Variants in MYOF observed in about 807,000 individuals in gnomAD.
The protein encoded by MYOF is fer-1-like 3, myoferlin.
In MYOF, 244 loss-of-function variants were observed where a neutral mutation model predicts 284.2. The ratio of observed to expected loss-of-function variants is 0.86; its 90% CI spans 0.77 to 0.95. The LOEUF is 0.95. MYOF is among the 40% of genes least tolerant of loss of function. The probability of loss-of-function intolerance (pLI) is 0.00; values close to 1 mark genes in which losing one functional copy is unlikely to be tolerated. For missense variants in MYOF, 2,496 were observed against 2,560.6 expected (o/e 0.97, Z 0.54); for synonymous variants, 904 against 919.7 (o/e 0.98, Z 0.31).
chr10:93,400,600 T>C (rs374473494), intron 12 of MYOF, among the ~76,000 whole-genome samples: 1 of 151,366 alleles, frequency 6.6e-6, no homozygotes, highest in African/African-American at 2.4e-5. Flanking sequence ...ATGGCCTGTA[T>C]AGTGAGTGCA....
chr10:93,476,947 T>C (rs1041087440), intron 1 of MYOF, among the ~76,000 whole-genome samples: 13 of 152,136 alleles, frequency 8.5e-5, no homozygotes, highest in African/African-American at 2.9e-4. Flanking sequence ...GGAGAGAAAA[T>C]TCTGGCTGAT....
rs116723049 is a variant in MYOF at position 93,424,876 on chromosome 10, G to T, written c.433+1195C>A. 7.8e-3 allele frequency among the ~76,000 whole-genome samples: 1,177 copies of T among 150,882 alleles called. 10 individuals carry two copies. The highest frequency in any genetic ancestry group is 0.027 in the African/African-American group (1,101 of 41,094). On this transcript the variant is annotated intron_variant, in intron 5 of 53. Transcript: ENST00000359263. ...GAGAAGCAAGAAGAAGATGAGCCCC[G>T]AGGAGCCACCTCAGCAACAAGTGCA...
In MYOF at chr10:93,382,572, A is replaced by G. The variant is rs570269793; in HGVS notation, c.1699-1176T>C. ...TGAAGATAGGGTCAACGATAACCAC[A>G]TTGAGTGCCTATCAGCCTACCAGAA... On this transcript the variant is annotated intron_variant, in intron 19 of 53. Transcript: ENST00000359263. Among the ~76,000 whole-genome samples, 8 of 152,324 alleles carry G rather than the reference A, an allele frequency of 5.3e-5. No individual in the cohort carries two copies. In the South Asian group the frequency reaches 1.2e-3, roughly 24 times the overall value.
chr10:93,331,699 G>C (rs956677025), intron 43 of MYOF, among the ~76,000 whole-genome samples: 1 of 147,796 alleles, frequency 6.8e-6, no homozygotes, highest in African/African-American at 2.4e-5. Context: ...CAGCATGCGG[G>C]GGGCGTAGGG....
intron 37 of MYOF, among the ~76,000 whole-genome samples, chr10:93,344,564 AGAGAAAAAT>A (rs1315771949): frequency 6.6e-6 from 1 of 152,072 alleles, no homozygotes; most frequent in Non-Finnish European, 1.5e-5. Context: ...AAAATAAAGA[AGAGAAAAAT>A]AAGAAAAAGA....
At chr10:93,452,319 G>A (rs1283205550) in intron 2 of MYOF, among the ~76,000 whole-genome samples, 178 bp from the exon 3 acceptor site, 1 of 152,084 alleles carries the variant, frequency 6.6e-6, no homozygotes, top group African/African-American at 2.4e-5. Context: ...GGGCAGGAAA[G>A]CAAACCAGAT....
chr10:93,454,179 T>A (rs925828373), intron 2 of MYOF, among the ~76,000 whole-genome samples: 1 of 152,080 alleles, frequency 6.6e-6, no homozygotes, highest in Admixed American at 6.5e-5. Flanking sequence ...CAAAACTCCA[T>A]CTTAAAAGAA....
intron 1 of MYOF, among the ~76,000 whole-genome samples, chr10:93,466,927 G>A (rs527543720): frequency 1.4e-4 from 21 of 152,132 alleles, no homozygotes; most frequent in Non-Finnish European, 1.9e-4. Context: ...GCAGTGGGCC[G>A]TGATCAGGCC....
chr10:93,386,368 A>T lies in MYOF; in HGVS notation c.1698+1429T>A, dbSNP rs564854360. Among the ~76,000 whole-genome samples the T allele has an allele frequency of 1.6e-4, 25 of 152,344 alleles. 1 individual carries two copies. In the South Asian group the frequency reaches 3.5e-3, roughly 21 times the overall value. ...GTGGGTAATGTTGTGGAATAGAAAG[A>T]CTATGACCAGGACCTTATTGACTTT... On this transcript the variant is annotated intron_variant, in intron 19 of 53. Transcript: ENST00000359263.
Position 93,482,299 on chromosome 10 carries a change from G to A in MYOF, c.-105C>T, listed in dbSNP as rs2057398306. On this transcript the variant is annotated 5_prime_UTR_variant, in exon 1 of 54. Coordinates refer to ENST00000359263, the MANE Select transcript of MYOF (RefSeq NM_013451.4). ...GGAGAGAAGTTCTCTCCCAGTGAAG[G>A]GAGGATTTCTCCCAGGGCAAGGAAG... is the stretch of plus-strand genomic sequence containing the variant. 8 of 997,324 alleles carry A rather than the reference G, an allele frequency of 8.0e-6. No homozygotes were observed. The East Asian group carries it at 1.9e-4, about 24-fold the overall frequency. The allele number at this position is 997,324 out of a possible 1,614,324, so 61.8% of individuals were successfully genotyped here.
intron 19 of MYOF, among the ~76,000 whole-genome samples, chr10:93,384,723 C>A (rs1846283618): frequency 6.6e-6 from 1 of 151,686 alleles, no homozygotes; most frequent in Non-Finnish European, 1.5e-5. Flanking sequence ...GGCTCTCTTT[C>A]TGATCATCAG....
At chr10:93,346,661 G>A (rs777382760) in intron 37 of MYOF, among the ~76,000 whole-genome samples, 19 of 152,212 alleles carry the variant, frequency 1.2e-4, no homozygotes, top group Non-Finnish European at 2.2e-4. Flanking sequence ...AGGCCAACAG[G>A]TGGAAAGCAA....
chr10:93,419,445 G>A (rs1180124240), intron 5 of MYOF, among the ~76,000 whole-genome samples: 1 of 151,410 alleles, frequency 6.6e-6, no homozygotes, highest in African/African-American at 2.4e-5. Flanking sequence ...TTACAGGCAT[G>A]AGCCACCGTG....
At chr10:93,370,715 T>C (rs1845548126) in intron 24 of MYOF, among the ~76,000 whole-genome samples, 1 of 152,206 alleles carries the variant, frequency 6.6e-6, no homozygotes, top group African/African-American at 2.4e-5. Flanking sequence ...CTGCTGCATA[T>C]TGGCATATGA....
chr10:93,443,767 G>A (rs2056347675), intron 3 of MYOF, among the ~76,000 whole-genome samples: 2 of 152,186 alleles, frequency 1.3e-5, no homozygotes, highest in Admixed American at 1.3e-4. Context: ...TTTTGTTTTA[G>A]TTGTGTCAGG....
At chr10:93,436,242 T>C (rs1354069414) in intron 3 of MYOF, among the ~76,000 whole-genome samples, 4 of 152,200 alleles carry the variant, frequency 2.6e-5, no homozygotes, top group African/African-American at 9.6e-5. Context: ...TGAGTGGTTT[T>C]ACAACCTCCA....
At chr10:93,406,983 A>G (rs1293029233) in intron 7 of MYOF, among the ~76,000 whole-genome samples, 4 of 152,134 alleles carry the variant, frequency 2.6e-5, no homozygotes, top group African/African-American at 9.7e-5. Context: ...TCTCCTCAGC[A>G]CAGTTGGCCA....
chr10:93,333,911 G>T lies in MYOF; in HGVS notation c.4566C>A (p.Gly1522=). The change falls in exon 42 of 54, where the codon GGC becomes GGA. Residue 1522 remains glycine, a splice_region_variant and synonymous_variant. Transcript: ENST00000359263. The part of the protein sequence containing the change: ...EDPSVVGEFK[G]SFRIYPLPDD... ...CCGGCAGAGGGTAGATCCGAAAGGAGCCCTAAAAGAGAGAGACAGAAGGAC... is the reference window on the plus strand; with the variant it reads ...CCGGCAGAGGGTAGATCCGAAAGGATCCCTAAAAGAGAGAGACAGAAGGAC... 1 of 1,613,734 alleles carries T rather than the reference G, an allele frequency of 6.2e-7. No individual in the cohort carries two copies. Among genetic ancestry groups the T allele is most frequent in the South Asian group, 1.1e-5 (1 of 90,964 alleles).
At chr10:93,352,880 A>G (rs1365906343) in intron 32 of MYOF, among the ~76,000 whole-genome samples, 1 of 152,216 alleles carries the variant, frequency 6.6e-6, no homozygotes, top group Non-Finnish European at 1.5e-5. Context: ...TTGGAGATGT[A>G]TATTGCAGAG....
Sources: gnomAD v4.1 joint callset for allele counts (sites outside exome capture counted in the v4.1 genomes callset) on GRCh38, gnomAD v4.1.1 for gene constraint, MANE v1.5 for transcripts, NCBI Gene and HGNC (gene_info 2026-07-23, HGNC 2026-07-21) for gene names.